The following AADAC variants were observed in gnomAD, a reference collection of about 807,000 sequenced individuals.
AADAC encodes the protein arylacetamide deacetylase.
AADAC carries 17 observed loss-of-function variants against 22.7 expected under a neutral mutation model. The ratio of observed to expected loss-of-function variants is 0.75; its 90% CI spans 0.51 to 1.12. AADAC has a LOEUF of 1.12. Among genes scored for constraint, AADAC ranks in the 50% most tolerant of loss-of-function variants. The pLI is 0.00. For synonymous variants in AADAC, 167 were observed against 176.3 expected, an observed-to-expected ratio of 0.95 and a Z score of 0.42; for missense variants, 465 against 473.9, an observed-to-expected ratio of 0.98 and a Z score of 0.17.
In AADAC at chr3:151,828,148, T is replaced by G. The variant is rs751903143; in HGVS notation, c.1176T>G (p.Ile392Met). The G allele has an allele frequency of 5.8e-6, 9 of 1,564,638 alleles. No homozygotes were observed. The highest frequency in any genetic ancestry group is 2.3e-5 in the South Asian group (2 of 85,808). The change falls in exon 5 of 5, where the codon ATT becomes ATG. Residue 392 changes from isoleucine (I) to methionine (M), a missense_variant. Transcript: ENST00000232892. ...KISHRLINQY[I>M]EWLKENL ...GTCACAGACTTATAAATCAGTATAT[T>G]GAGTGGCTAAAGGAAAATCTATAGT...
chr3:151,827,888 G>A lies in AADAC; in HGVS notation c.916G>A (p.Glu306Lys), dbSNP rs79925965. ...VYNNPNYGSS[E>K]LAKKYPGFLD... The stretch of plus-strand genomic sequence containing the variant: ...TAACAATCCAAATTATGGCAGTTCT[G>A]AGCTGGCTAAAAAATATCCAGGGTT... Residue 306 changes from glutamate to lysine, a missense_variant, in exon 5 of 5, where the codon GAG becomes AAG. Glu to Lys is a moderately conservative substitution (Grantham distance 56). Coordinates refer to ENST00000232892, the MANE Select transcript of AADAC (RefSeq NM_001086.3). The A allele has an allele frequency of 6.2e-7, 1 of 1,612,116 alleles. No individual in the cohort carries two copies. The highest frequency in any genetic ancestry group is 1.3e-5 in the African/African-American group (1 of 74,894).
chr3:151,824,706 G>A lies in AADAC; in HGVS notation c.475G>A (p.Asp159Asn). 1.3e-6 allele frequency: 2 copies of A among 1,595,668 alleles called. No homozygotes were observed. Among genetic ancestry groups the A allele is most frequent in the Non-Finnish European group, 1.7e-6 (2 of 1,172,018 alleles). The change falls in exon 4 of 5, where the codon GAT becomes AAT. Residue 159 changes from aspartate to asparagine, a missense_variant. Coordinates refer to ENST00000232892, the MANE Select transcript of AADAC (RefSeq NM_001086.3). ...PKYHFPIQFE[D>N]VYNALRWFLR... ...GTATCATTTCCCAATTCAATTTGAA[G>A]ATGTATATAATGCCTTAAGGTGGTT...
chr3:151,820,241 G>A, intron 2 of AADAC, 142 bp from the exon 3 acceptor site: 3 of 476,346 alleles, frequency 6.3e-6, no homozygotes, highest in Non-Finnish European at 7.4e-6. Context: ...TATAAATACA[G>A]TGTTAAATTT....
rs1716599564 is a variant in AADAC at position 151,828,410 on chromosome 3, A to G, written c.*238A>G. Reference sequence around the variant, plus strand: ...CACTGTTAATCTTATTTTAAAAAATATTACATTCTTGTATACTTTATTTTT... The same window carrying G: ...CACTGTTAATCTTATTTTAAAAAATGTTACATTCTTGTATACTTTATTTTT... On this transcript the variant is annotated 3_prime_UTR_variant, in exon 5 of 5. Transcript: ENST00000232892. 3.8e-6 allele frequency: 1 copy of G among 263,062 alleles called. No individual in the cohort carries two copies. The highest frequency in any genetic ancestry group is 7.1e-6 in the Non-Finnish European group (1 of 140,572). The allele number at this position is 263,062 out of a possible 1,614,324, so 16.3% of individuals were successfully genotyped here. A position where few individuals can be genotyped will look rare whatever the true frequency, so the allele number is the denominator to read the frequency against.
rs1716581594 is a variant in AADAC, at chr3:151,828,022, C to G, written c.1050C>G (p.Leu350=). The G allele has an allele frequency of 6.2e-7, 1 of 1,613,262 alleles. No homozygotes were observed. ...ATGATCTCTTAAGAGATGATGGACT[C>G]ATGTATGTCACCCGACTTCGCAACA... ...CQYDLLRDDG[L]MYVTRLRNTG... The change falls in exon 5 of 5, where the codon CTC becomes CTG. Residue 350 remains leucine (L), a synonymous_variant. Coordinates refer to ENST00000232892, the MANE Select transcript of AADAC (RefSeq NM_001086.3).
intron 2 of AADAC, 55 bp from the exon 3 acceptor site, chr3:151,820,328 C>A: frequency 1.5e-6 from 2 of 1,305,168 alleles, no homozygotes; most frequent in Non-Finnish European, 2.1e-6. Context: ...AAGGAAACAG[C>A]CTTGTCTTCA....
At chr3:151,816,424 G>A (rs2108025621) in intron 1 of AADAC, among the ~76,000 whole-genome samples, 1 of 152,090 alleles carries the variant, frequency 6.6e-6, no homozygotes, top group South Asian at 2.1e-4. Flanking sequence ...CCTGCTGTTC[G>A]CTCCCAAAGT....
intron 3 of AADAC, among the ~76,000 whole-genome samples, chr3:151,821,094 G>A (rs935987655): frequency 6.6e-6 from 1 of 151,488 alleles, no homozygotes; most frequent in Admixed American, 6.6e-5. Context: ...AAAAATGAGT[G>A]CCCTGGAGTC....
At chr3:151,817,169 T>C (rs1236103132) in intron 1 of AADAC, among the ~76,000 whole-genome samples, 197 bp from the exon 2 acceptor site, 1 of 152,080 alleles carries the variant, frequency 6.6e-6, no homozygotes, top group Non-Finnish European at 1.5e-5. Flanking sequence ...CACAGTGTAT[T>C]CCCTCTTTTT....
chr3:151,817,659 T>A, intron 2 of AADAC, 71 bp downstream of exon 2: 2 of 1,346,518 alleles, frequency 1.5e-6, no homozygotes, highest in Non-Finnish European at 2.1e-6. Flanking sequence ...CTTCAGTAGG[T>A]ACACATGCCC....
At chr3:151,825,209 A>C (rs1716430756) in intron 4 of AADAC, among the ~76,000 whole-genome samples, 1 of 143,662 alleles carries the variant, frequency 7.0e-6, no homozygotes, top group African/African-American at 2.5e-5. Flanking sequence ...CTGTCTCTAC[A>C]AAAAAAAAAA....
chr3:151,821,511 G>T (rs1716254021), intron 3 of AADAC, among the ~76,000 whole-genome samples: 1 of 151,894 alleles, frequency 6.6e-6, no homozygotes, highest in South Asian at 2.1e-4. Flanking sequence ...ATCACCATTT[G>T]TCAAGTTAAA....
chr3:151,828,210 C>A lies in AADAC; in HGVS notation c.*38C>A. On this transcript the variant is annotated 3_prime_UTR_variant, in exon 5 of 5. Coordinates refer to ENST00000232892, the MANE Select transcript of AADAC (RefSeq NM_001086.3). ...CTATAACATATTTTAAAAATAAAAT[C>A]TGAAAACCTCAGAAAATTTGCATTA... The A allele has an allele frequency of 7.7e-7, 1 of 1,299,556 alleles. No individual in the cohort carries two copies. The highest frequency in any genetic ancestry group is 1.0e-6 in the Non-Finnish European group (1 of 977,640). The allele number at this position is 1,299,556 out of a possible 1,614,324, so 80.5% of individuals were successfully genotyped here. A position where few individuals can be genotyped will look rare whatever the true frequency, so the allele number is the denominator to read the frequency against.
chr3:151,823,225 C>T (rs999349873), intron 3 of AADAC, among the ~76,000 whole-genome samples: 1 of 151,582 alleles, frequency 6.6e-6, no homozygotes, highest in Non-Finnish European at 1.5e-5. Flanking sequence ...TTGCGGTGAG[C>T]CGAGATTGTG....
At chr3:151,820,059 G>C (rs1367167781) in intron 2 of AADAC, among the ~76,000 whole-genome samples, 1 of 151,932 alleles carries the variant, frequency 6.6e-6, no homozygotes, top group Non-Finnish European at 1.5e-5. Flanking sequence ...ATCTAAAACA[G>C]AGCCAAATCA....
chr3:151,821,210 T>C (rs1346921633), intron 3 of AADAC, among the ~76,000 whole-genome samples: 1 of 151,998 alleles, frequency 6.6e-6, no homozygotes, highest in Non-Finnish European at 1.5e-5. Context: ...TATATAGCAC[T>C]TGGTGAGCCT....
chr3:151,823,282 CAA>C (rs35215003), intron 3 of AADAC, among the ~76,000 whole-genome samples: 7 of 127,848 alleles, frequency 5.5e-5, no homozygotes, highest in African/African-American at 5.8e-5. Context: ...TGTCTCCCCG[CAA>C]AAAAAAAAAA....
chr3:151,820,337 C>A (rs200056674), intron 2 of AADAC, 46 bp from the exon 3 acceptor site: 2 of 1,389,214 alleles, frequency 1.4e-6, no homozygotes, highest in East Asian at 2.4e-5. Context: ...GCCTTGTCTT[C>A]ATTTGTCTGT....
chr3:151,821,190 G>A (rs3772437), intron 3 of AADAC, among the ~76,000 whole-genome samples: 90,882 of 151,586 alleles, frequency 0.6, 27,740 homozygotes, highest in Non-Finnish European at 0.64. Flanking sequence ...CCTTGAAACA[G>A]AGTCCAGCGT....
Sources: allele counts gnomAD v4.1 joint callset (sites outside exome capture counted in the v4.1 genomes callset), GRCh38; gene constraint gnomAD v4.1.1; transcripts MANE v1.5; gene names NCBI Gene and HGNC (gene_info 2026-07-23, HGNC 2026-07-21).